ZNF134: variants seen among roughly 807,000 people sequenced by gnomAD.
ZNF134 encodes the protein zinc finger protein 134 (clone pHZ-15).
In ZNF134, 5 loss-of-function variants were observed where a neutral mutation model predicts 2.5. The ratio of observed to expected loss-of-function variants is 2.03; its 90% confidence interval spans 1.06 to 4.27. ZNF134 has a LOEUF of 4.27. Ranked by LOEUF, ZNF134 falls within the 30% of genes most tolerant of loss-of-function variation. ZNF134 has a pLI of 0.00. For missense variants in ZNF134, 540 were observed against 517.5 expected (o/e 1.04, Z -0.42); for synonymous variants, 176 against 176.2 (o/e 1.00, Z 0.01).
chr19:57,620,297 A>G lies in ZNF134; in HGVS notation c.178A>G (p.Lys60Glu). 3 of 1,614,170 alleles carry G rather than the reference A, an allele frequency of 1.9e-6. 1 individual carries two copies. In the South Asian group the frequency reaches 3.3e-5, roughly 18 times the overall value. ...LPCDICGPILKDILHLDEHQG... is the reference protein window; with the variant it reads ...LPCDICGPILEDILHLDEHQG... ...TTGTGACATATGTGGCCCCATCTTG[A>G]AAGATATTTTGCACCTGGATGAACA... The change falls in exon 3 of 3, where the codon AAA becomes GAA. Residue 60 changes from lysine to glutamate, a missense_variant. Lys to Glu is a moderately conservative substitution (Grantham distance 56, BLOSUM62 1). Transcript: ENST00000396161.
At chr19:57,619,953 G>T (rs1039612018) in intron 2 of ZNF134, among the ~76,000 whole-genome samples, 4 of 152,126 alleles carry the variant, frequency 2.6e-5, no homozygotes, top group African/African-American at 9.7e-5. Flanking sequence ...CCCCATCCTC[G>T]TGTCTTTGTT....
rs776511055 is a variant in ZNF134, at chr19:57,620,760, G to T, written c.641G>T (p.Ser214Ile). 4.3e-6 allele frequency: 7 copies of T among 1,612,804 alleles called. No homozygotes were observed. The African/African-American group carries it at 8.0e-5, about 18-fold the overall frequency. The change falls in exon 3 of 3, where the codon AGC becomes ATC. Residue 214 changes from serine to isoleucine, a missense_variant. Ser to Ile is a moderately radical substitution (Grantham distance 142, BLOSUM62 -2). Coordinates refer to ENST00000396161, the MANE Select transcript of ZNF134 (RefSeq NM_003435.5). ...YECSECGKAF[S>I]RKATLVQHQR... The stretch of plus-strand genomic sequence containing the variant: ...TGCAGCGAATGTGGGAAAGCCTTCA[G>T]CCGCAAAGCTACACTTGTCCAGCAT...
chr19:57,618,319 T>G (rs1981106977), intron 1 of ZNF134, among the ~76,000 whole-genome samples: 1 of 152,168 alleles, frequency 6.6e-6, no homozygotes, highest in Non-Finnish European at 1.5e-5. Flanking sequence ...TATCCAAGCA[T>G]TCTCTGGATG....
Position 57,621,695 on chromosome 19 carries a change from A to G in ZNF134, c.*292A>G. On this transcript the variant is annotated 3_prime_UTR_variant, in exon 3 of 3. Coordinates refer to ENST00000396161, the MANE Select transcript of ZNF134 (RefSeq NM_003435.5). ...ATGCCTGAGTTCATTGGGGGTCCTC[A>G]TTCCCTTCTGTATGACAGGTATAGG... The G allele has an allele frequency of 7.4e-6, 4 of 537,432 alleles. No homozygotes were observed. The highest frequency in any genetic ancestry group is 1.4e-5 in the Non-Finnish European group (4 of 290,298). 33.3% of individuals were successfully genotyped at this position (537,432 alleles called of 1,614,324 possible). A position where few individuals can be genotyped will look rare whatever the true frequency, so the allele number is the denominator to read the frequency against.
intron 1 of ZNF134, among the ~76,000 whole-genome samples, chr19:57,615,153 C>T (rs1464097982): frequency 6.6e-6 from 1 of 152,000 alleles, no homozygotes; most frequent in Non-Finnish European, 1.5e-5. Context: ...GCAGGGAGCA[C>T]GTTTCAGGGG....
rs1263839028 is a variant in ZNF134, at chr19:57,621,949, T to C, written c.*546T>C. The stretch of plus-strand genomic sequence containing the variant: ...CATTTAATCTTGGGGCTTCTTCTTA[T>C]GGTCTGGGGTGGATTGAAAACAGGC... On this transcript the variant is annotated 3_prime_UTR_variant, in exon 3 of 3. Coordinates refer to ENST00000396161, the MANE Select transcript of ZNF134 (RefSeq NM_003435.5). The C allele has an allele frequency of 8.1e-5, 16 of 197,920 alleles. No homozygotes were observed. Among genetic ancestry groups the C allele is most frequent in the Non-Finnish European group, 2.1e-5 (2 of 94,336 alleles). 12.3% of individuals were successfully genotyped at this position (197,920 alleles called of 1,614,324 possible). A position where few individuals can be genotyped will look rare whatever the true frequency, so the allele number is the denominator to read the frequency against.
At position 57,621,354 on chromosome 19, in the gene ZNF134, G is replaced by A; in HGVS notation, c.1235G>A (p.Ser412Asn). ...GAATGTGGGAAGGCCTACAGCTTAA[G>A]CTCCCACCTCAATCGGCACCAGAAA... is the stretch of plus-strand genomic sequence containing the variant. Reference protein sequence around the residue: ...CSECGKAYSLSSHLNRHQKVH... With the variant: ...CSECGKAYSLNSHLNRHQKVH... Residue 412 changes from serine to asparagine, a missense_variant, in exon 3 of 3, where the codon AGC becomes AAC. Ser to Asn is a conservative substitution (Grantham distance 46, BLOSUM62 1). Transcript: ENST00000396161. 6.2e-7 allele frequency: 1 copy of A among 1,614,116 alleles called. No individual in the cohort carries two copies. Among genetic ancestry groups the A allele is most frequent in the Non-Finnish European group, 8.5e-7 (1 of 1,180,024 alleles).
In ZNF134 at chr19:57,623,203, C is replaced by G. The variant is rs1981281731; in HGVS notation, c.*1800C>G. 1 of 152,094 alleles carries G rather than the reference C, an allele frequency of 6.6e-6. No homozygotes were observed. Among genetic ancestry groups the G allele is most frequent in the African/African-American group, 2.4e-5 (1 of 41,394 alleles). The allele number at this position is 152,094 out of a possible 1,614,324, so 9.4% of individuals were successfully genotyped here. ...TTAATTTTGCATGCTGTCTTTCATGCAACATAATTTGAAATTTGTCCATGG... is the reference window on the plus strand; with the variant it reads ...TTAATTTTGCATGCTGTCTTTCATGGAACATAATTTGAAATTTGTCCATGG... On this transcript the variant is annotated 3_prime_UTR_variant, in exon 3 of 3. Coordinates refer to ENST00000396161, the MANE Select transcript of ZNF134 (RefSeq NM_003435.5).
chr19:57,620,524 G>T lies in ZNF134; in HGVS notation c.405G>T (p.Lys135Asn). ...PHPSEKPFTC[K>N]EEQKNFQATL... is the part of the protein sequence containing the mutation. ...CGTCAGAGAAGCCCTTTACGTGTAA[G>T]GAGGAGCAGAAAAACTTCCAGGCTA... Residue 135 changes from lysine (K) to asparagine (N), a missense_variant, in exon 3 of 3, where the codon AAG becomes AAT. Coordinates refer to ENST00000396161, the MANE Select transcript of ZNF134 (RefSeq NM_003435.5). 6.2e-7 allele frequency: 1 copy of T among 1,614,226 alleles called. No individual in the cohort carries two copies. The highest frequency in any genetic ancestry group is 8.5e-7 in the Non-Finnish European group (1 of 1,180,026).
At chr19:57,616,893 C>T (rs370965498) in intron 1 of ZNF134, among the ~76,000 whole-genome samples, 1 of 152,174 alleles carries the variant, frequency 6.6e-6, no homozygotes, top group Non-Finnish European at 1.5e-5. Context: ...TCTTCAGTGT[C>T]CCTTCTGCCT....
chr19:57,616,204 C>T (rs1291214965), intron 1 of ZNF134, among the ~76,000 whole-genome samples: 3 of 152,202 alleles, frequency 2.0e-5, no homozygotes, highest in Admixed American at 2.0e-4. Context: ...TGCAGCTCCC[C>T]TTCAGAGGAA....
Position 57,623,228 on chromosome 19 carries a change from G to A in ZNF134, c.*1825G>A, listed in dbSNP as rs1432863636. The A allele has an allele frequency of 6.6e-6, 1 of 152,022 alleles. No homozygotes were observed. The highest frequency in any genetic ancestry group is 1.5e-5 in the Non-Finnish European group (1 of 68,012). 9.4% of individuals were successfully genotyped at this position (152,022 alleles called of 1,614,324 possible). ...CAACATAATTTGAAATTTGTCCATG[G>A]TATGTATGAACAGTCCATTTTAAAA... On this transcript the variant is annotated 3_prime_UTR_variant, in exon 3 of 3. Coordinates refer to ENST00000396161, the MANE Select transcript of ZNF134 (RefSeq NM_003435.5).
At chr19:57,620,041 C>G in intron 2 of ZNF134, 119 bp from the exon 3 acceptor site, 2 of 1,185,888 alleles carry the variant, frequency 1.7e-6, no homozygotes, top group Non-Finnish European at 2.4e-6. Context: ...CTGATCCTAG[C>G]TCTGTTCCAC....
rs771268211 is a variant in ZNF134, at chr19:57,621,156, G to A, written c.1037G>A (p.Cys346Tyr). The change falls in exon 3 of 3, where the codon TGC becomes TAC. Residue 346 changes from cysteine to tyrosine, a missense_variant. Transcript: ENST00000396161. ...CACACTGAGTCAAAGCCGTTTGAGTGCATTGAATGCGGGAAATTCTTTAGT... is the reference window on the plus strand; with the variant it reads ...CACACTGAGTCAAAGCCGTTTGAGTACATTGAATGCGGGAAATTCTTTAGT... ...RIHTESKPFECIECGKFFSRS... is the reference protein window; with the variant it reads ...RIHTESKPFEYIECGKFFSRS... 1 of 1,614,240 alleles carries A rather than the reference G, an allele frequency of 6.2e-7. No individual in the cohort carries two copies.
At position 57,621,139 on chromosome 19, in the gene ZNF134, G is replaced by A. The variant is rs199570870; in HGVS notation, c.1020G>A (p.Glu340=). ...TTAAACATCAGCGAATTCACACTGA[G>A]TCAAAGCCGTTTGAGTGCATTGAAT... is the stretch of plus-strand genomic sequence containing the variant. ...TLIKHQRIHT[E]SKPFECIECG... is the part of the protein sequence containing the mutation. The change falls in exon 3 of 3, where the codon GAG becomes GAA. Residue 340 remains glutamate, a synonymous_variant. Transcript: ENST00000396161. The A allele has an allele frequency of 6.2e-5, 100 of 1,614,240 alleles. No homozygotes were observed. Among genetic ancestry groups the A allele is most frequent in the East Asian group, 3.1e-4 (14 of 44,878 alleles).
At chr19:57,616,344 A>T (rs1305874466) in intron 1 of ZNF134, among the ~76,000 whole-genome samples, 1 of 152,268 alleles carries the variant, frequency 6.6e-6, no homozygotes, top group Non-Finnish European at 1.5e-5. Context: ...CAAAATATTA[A>T]GTTGCCTTGA....
Position 57,619,408 on chromosome 19 carries a change from C to G in ZNF134, c.-57-4C>G. 3.8e-6 allele frequency: 6 copies of G among 1,565,012 alleles called. No individual in the cohort carries two copies. In the South Asian group the frequency reaches 7.0e-5, roughly 18 times the overall value. ...ACCTTTCCCCTATGCTTTGTATCTT[C>G]CAGATCCTCTGTGGTTGTTGAATTG... On this transcript the variant is annotated splice_polypyrimidine_tract_variant and splice_region_variant and intron_variant, in intron 1 of 2. Transcript: ENST00000396161.
chr19:57,616,067 A>G (rs763125956), intron 1 of ZNF134, among the ~76,000 whole-genome samples: 28 of 152,228 alleles, frequency 1.8e-4, no homozygotes, highest in Non-Finnish European at 3.7e-4. Flanking sequence ...TTGCCACCCT[A>G]CAGGCTCAGC....
At position 57,621,137 on chromosome 19, in the gene ZNF134, G is replaced by A; in HGVS notation, c.1018G>A (p.Glu340Lys). ...CATTAAACATCAGCGAATTCACACT[G>A]AGTCAAAGCCGTTTGAGTGCATTGA... The part of the protein sequence containing the change: ...TLIKHQRIHT[E>K]SKPFECIECG... The change falls in exon 3 of 3, where the codon GAG becomes AAG. Residue 340 changes from glutamate (E) to lysine (K), a missense_variant. Physicochemically the swap from Glu to Lys is moderately conservative, Grantham distance 56. Transcript: ENST00000396161. The A allele has an allele frequency of 6.2e-7, 1 of 1,614,232 alleles. No homozygotes were observed. Among genetic ancestry groups the A allele is most frequent in the Non-Finnish European group, 8.5e-7 (1 of 1,180,038 alleles).
Sources: allele counts gnomAD v4.1 joint callset (sites outside exome capture counted in the v4.1 genomes callset), GRCh38; gene constraint gnomAD v4.1.1; transcripts MANE v1.5; gene names NCBI Gene and HGNC (gene_info 2026-07-23, HGNC 2026-07-21).